Variants in LRRC4C observed in about 807,000 individuals in gnomAD.
LRRC4C encodes leucine rich repeat containing 4C.
A neutral mutation model predicts 33.6 loss-of-function variants in LRRC4C; 5 were observed. That is an observed-to-expected ratio of 0.15 (90% CI 0.08 to 0.31). LRRC4C has a LOEUF of 0.31. LRRC4C is among the 10% of genes least tolerant of loss of function. LRRC4C has a pLI of 1.00. For synonymous variants in LRRC4C, 329 were observed against 302.0 expected (o/e 1.09, Z -0.93); for missense variants, 560 against 796.7 (o/e 0.70, Z 3.58).
At chr11:40,746,634 C>T (rs1158922905) in intron 2 of LRRC4C, among the ~76,000 whole-genome samples, 2 of 152,150 alleles carry the variant, frequency 1.3e-5, no homozygotes, top group Non-Finnish European at 2.9e-5. Context: ...CACACACCAT[C>T]AGAGGACCTG....
At chr11:40,990,674 G>T (rs1442991674) in intron 1 of LRRC4C, among the ~76,000 whole-genome samples, 1 of 152,090 alleles carries the variant, frequency 6.6e-6, no homozygotes, top group East Asian at 1.9e-4. Flanking sequence ...TAGAGCAGTG[G>T]TAGATAAAAC....
intron 1 of LRRC4C, among the ~76,000 whole-genome samples, chr11:41,185,935 AT>A (rs1482287049): frequency 6.6e-6 from 1 of 152,098 alleles, no homozygotes; most frequent in Non-Finnish European, 1.5e-5. Flanking sequence ...AAAATTATTC[AT>A]TTATGTATAT....
chr11:41,284,229 T>C (rs1949754060), intron 1 of LRRC4C, among the ~76,000 whole-genome samples: 1 of 152,170 alleles, frequency 6.6e-6, no homozygotes, highest in Non-Finnish European at 1.5e-5. Context: ...TATATATTGC[T>C]AAAACAATCA....
chr11:41,159,176 G>C (rs890935307), intron 1 of LRRC4C, among the ~76,000 whole-genome samples: 3 of 152,038 alleles, frequency 2.0e-5, no homozygotes, highest in African/African-American at 7.2e-5. Flanking sequence ...TTTAGTCCTA[G>C]CTATTTGTGA....
At chr11:41,284,627 C>A (rs1210617135) in intron 1 of LRRC4C, among the ~76,000 whole-genome samples, 1 of 152,168 alleles carries the variant, frequency 6.6e-6, no homozygotes, top group East Asian at 1.9e-4. Flanking sequence ...AGCAGCCCTC[C>A]CCACAGACAG....
intron 3 of LRRC4C, among the ~76,000 whole-genome samples, chr11:40,437,488 T>C (rs1390592235): frequency 1.3e-5 from 2 of 149,840 alleles, no homozygotes; most frequent in Non-Finnish European, 3.0e-5. Flanking sequence ...CTGCCCGCCA[T>C]GTTCCAGCGA....
chr11:40,620,730 A>T (rs1213001719), intron 3 of LRRC4C, among the ~76,000 whole-genome samples: 1 of 151,872 alleles, frequency 6.6e-6, no homozygotes, highest in African/African-American at 2.4e-5. Flanking sequence ...AAAGACAATG[A>T]TATTGCATAT....
intron 1 of LRRC4C, among the ~76,000 whole-genome samples, chr11:40,978,037 C>G (rs548093251): frequency 3.6e-4 from 55 of 152,326 alleles, no homozygotes; most frequent in Middle Eastern, 6.8e-3. Flanking sequence ...GTATCTATCA[C>G]CAAACCCTGT....
intron 2 of LRRC4C, among the ~76,000 whole-genome samples, chr11:40,711,409 T>C (rs1338299239): frequency 1.3e-5 from 2 of 152,202 alleles, no homozygotes; most frequent in East Asian, 1.9e-4. Context: ...AGCTATCTTA[T>C]CTTCCCCAGT....
chr11:40,856,154 GA>G (rs1289504667), intron 2 of LRRC4C, among the ~76,000 whole-genome samples: 1 of 152,106 alleles, frequency 6.6e-6, no homozygotes, highest in Non-Finnish European at 1.5e-5. Flanking sequence ...ATTACTGTAT[GA>G]AAAAACTTTG....
chr11:40,924,124 A>G (rs3066268), intron 2 of LRRC4C, among the ~76,000 whole-genome samples: 8,333 of 96,708 alleles, frequency 0.086, 285 homozygotes, highest in South Asian at 0.21. Flanking sequence ...GTGTGTGTGT[A>G]TATATATATA....
intron 3 of LRRC4C, among the ~76,000 whole-genome samples, chr11:40,421,560 A>G (rs78299902): frequency 0.03 from 4,644 of 152,282 alleles, 243 homozygotes; most frequent in African/African-American, 0.11. Flanking sequence ...TTAAACCCTA[A>G]TTTGGTAACA....
intron 3 of LRRC4C, among the ~76,000 whole-genome samples, chr11:40,522,062 G>A (rs1009779912): frequency 4.6e-5 from 7 of 152,092 alleles, no homozygotes; most frequent in South Asian, 2.1e-4. Context: ...CCTCTCTGTC[G>A]CCCAGGCTGG....
chr11:40,750,889 A>C (rs1337457310), intron 2 of LRRC4C, among the ~76,000 whole-genome samples: 4 of 152,154 alleles, frequency 2.6e-5, no homozygotes, highest in African/African-American at 9.6e-5. Context: ...CTAATTAACC[A>C]AATTTACAGC....
chr11:41,333,526 A>G (rs1274643978), intron 1 of LRRC4C, among the ~76,000 whole-genome samples: 1 of 152,202 alleles, frequency 6.6e-6, no homozygotes, highest in Non-Finnish European at 1.5e-5. Flanking sequence ...GACCAGCAAT[A>G]ATAGACATTC....
intron 3 of LRRC4C, among the ~76,000 whole-genome samples, chr11:40,644,597 T>C (rs1229571954): frequency 6.6e-6 from 1 of 152,094 alleles, no homozygotes; most frequent in Non-Finnish European, 1.5e-5. Context: ...TAGAAAAAAA[T>C]GAACTATTAA....
At chr11:41,202,975 G>A (rs373685397) in intron 1 of LRRC4C, among the ~76,000 whole-genome samples, 4 of 151,964 alleles carry the variant, frequency 2.6e-5, no homozygotes, top group African/African-American at 7.2e-5. Flanking sequence ...TAGTAGAGAC[G>A]GGGTTTCACC....
intron 1 of LRRC4C, among the ~76,000 whole-genome samples, chr11:41,140,558 A>G (rs1231417992): frequency 6.6e-6 from 1 of 152,106 alleles, no homozygotes; most frequent in Non-Finnish European, 1.5e-5. Context: ...CTAACAAAAT[A>G]GAGAATAGGC....
At chr11:41,140,956 C>G (rs776455831) in intron 1 of LRRC4C, among the ~76,000 whole-genome samples, 1 of 151,956 alleles carries the variant, frequency 6.6e-6, no homozygotes, top group Non-Finnish European at 1.5e-5. Flanking sequence ...TAGAAAAATC[C>G]TGGAAATAAT....
Sources: allele counts gnomAD v4.1 joint callset (sites outside exome capture counted in the v4.1 genomes callset), GRCh38; gene constraint gnomAD v4.1.1; transcripts MANE v1.5; gene names NCBI Gene and HGNC (gene_info 2026-07-23, HGNC 2026-07-21).